The following NXPH1 variants were observed in gnomAD, a reference collection of about 807,000 sequenced individuals.
The protein encoded by NXPH1 is neurexophilin 1.
NXPH1 carries 5 observed loss-of-function variants against 23.7 expected under a neutral mutation model. The ratio of observed to expected loss-of-function variants is 0.21; its 90% CI spans 0.11 to 0.44. The LOEUF is 0.44. Ranked by LOEUF, NXPH1 falls within the 20% of genes least tolerant of loss-of-function variation. NXPH1 has a pLI of 0.99. For synonymous variants in NXPH1, 144 were observed against 122.2 expected (o/e 1.18, Z -1.18); for missense variants, 324 against 321.6 (o/e 1.01, Z -0.06).
intron 2 of NXPH1, among the ~76,000 whole-genome samples, chr7:8,530,322 A>C (rs1487225211): frequency 6.6e-6 from 1 of 152,216 alleles, no homozygotes; most frequent in Non-Finnish European, 1.5e-5. Context: ...TGAGACCTAA[A>C]AAGCAACGTG....
intron 2 of NXPH1, among the ~76,000 whole-genome samples, chr7:8,689,347 T>A (rs1821193646): frequency 6.6e-6 from 1 of 150,664 alleles, no homozygotes; most frequent in South Asian, 2.1e-4. Context: ...TTACTATCAG[T>A]CAGCTCGCTG....
chr7:8,435,811 C>T lies in NXPH1; in HGVS notation c.54+44C>T. The T allele has an allele frequency of 5.0e-6, 8 of 1,592,598 alleles. No individual in the cohort carries two copies. The highest frequency in any genetic ancestry group is 6.9e-6 in the Non-Finnish European group (8 of 1,160,758). On this transcript the variant is annotated intron_variant, in intron 2 of 2. Transcript: ENST00000405863. This position sits in a 1 kb window ranked among gnomAD's most constrained non-coding sequence, Gnocchi z 5.9. Reference sequence around the variant, plus strand: ...GGGGCTTTCGCATTTTTACCCCGGCCGGGAGGCAAGGAAACTGGGGACACG... The same window carrying T: ...GGGGCTTTCGCATTTTTACCCCGGCTGGGAGGCAAGGAAACTGGGGACACG...
At chr7:8,621,490 C>CTTTTTTTTTTTT (rs113473603) in intron 2 of NXPH1, among the ~76,000 whole-genome samples, 2 of 140,292 alleles carry the variant, frequency 1.4e-5, no homozygotes, top group African/African-American at 5.1e-5. Flanking sequence ...GCTAGCCACT[C>CTTTTTTTTTTTT]TTTTTTTTTT....
intron 2 of NXPH1, among the ~76,000 whole-genome samples, chr7:8,730,425 C>A (rs1464703432): frequency 3.3e-5 from 5 of 150,996 alleles, no homozygotes; most frequent in African/African-American, 7.3e-5. Context: ...GATGCAGTTT[C>A]TTCCTAGTCT....
At chr7:8,563,681 A>AAATT (rs1818489568) in intron 2 of NXPH1, among the ~76,000 whole-genome samples, 1 of 151,680 alleles carries the variant, frequency 6.6e-6, no homozygotes, top group Non-Finnish European at 1.5e-5. Flanking sequence ...GGAAAAGGTT[A>AAATT]CCCATTTGGA....
At chr7:8,460,285 C>A (rs2128606689) in intron 2 of NXPH1, among the ~76,000 whole-genome samples, 1 of 152,134 alleles carries the variant, frequency 6.6e-6, no homozygotes, top group East Asian at 1.9e-4. Flanking sequence ...CTTTTTTATT[C>A]ATTCTCCCTA....
chr7:8,744,615 C>T (rs1208084480), intron 2 of NXPH1, among the ~76,000 whole-genome samples: 1 of 152,190 alleles, frequency 6.6e-6, no homozygotes, highest in Non-Finnish European at 1.5e-5. Context: ...TGTCTCCAGA[C>T]CTTCAGATCC....
chr7:8,612,244 C>T (rs1819638279), intron 2 of NXPH1, among the ~76,000 whole-genome samples: 1 of 151,160 alleles, frequency 6.6e-6, no homozygotes, highest in Admixed American at 6.6e-5. Context: ...TTCTCCCCTT[C>T]CTTTCTTCCT....
intron 2 of NXPH1, among the ~76,000 whole-genome samples, chr7:8,641,492 C>T (rs1009597583): frequency 1.3e-5 from 2 of 152,006 alleles, no homozygotes. Context: ...ATTTATCAGC[C>T]TAACACTGCA....
intron 2 of NXPH1, among the ~76,000 whole-genome samples, chr7:8,544,610 G>A (rs1818172652): frequency 6.6e-6 from 1 of 151,552 alleles, no homozygotes; most frequent in Non-Finnish European, 1.5e-5. Flanking sequence ...CCGTACTGAG[G>A]CAGATGATGG....
At chr7:8,439,688 G>T (rs1472639522) in intron 2 of NXPH1, among the ~76,000 whole-genome samples, 1 of 152,218 alleles carries the variant, frequency 6.6e-6, no homozygotes, top group South Asian at 2.1e-4. Context: ...TCCTTAAAAT[G>T]TGAATTCTAC....
At chr7:8,750,070 C>T (rs1340495094) in intron 2 of NXPH1, among the ~76,000 whole-genome samples, 4 of 152,182 alleles carry the variant, frequency 2.6e-5, no homozygotes, top group Non-Finnish European at 5.9e-5. Context: ...GTTGGTTTCT[C>T]TAGAACTGAC....
At chr7:8,741,293 T>C (rs1010804113) in intron 2 of NXPH1, among the ~76,000 whole-genome samples, 1 of 152,176 alleles carries the variant, frequency 6.6e-6, no homozygotes, top group Non-Finnish European at 1.5e-5. Flanking sequence ...ATCTTCTTTT[T>C]CCATTCATCC....
At position 8,434,153 on chromosome 7, in the gene NXPH1, C is replaced by G. The variant is rs986410058; in HGVS notation, c.-713C>G. 6.5e-6 allele frequency: 1 copy of G among 152,700 alleles called. No individual in the cohort carries two copies. The highest frequency in any genetic ancestry group is 2.4e-5 in the African/African-American group (1 of 41,464). The allele number at this position is 152,700 out of a possible 1,614,324, so 9.5% of individuals were successfully genotyped here. A position where few individuals can be genotyped will look rare whatever the true frequency, so the allele number is the denominator to read the frequency against. ...GTCGCGGGTAGAGGTACAGCTGCTC[C>G]GTGTGCCGCAGGCTCCAGATTCTCG... On this transcript the variant is annotated 5_prime_UTR_variant, in exon 1 of 3. Transcript: ENST00000405863. The surrounding 1 kb of genome is among the most constrained non-coding windows in gnomAD (Gnocchi z 7.6).
At chr7:8,490,344 A>G (rs554705173) in intron 2 of NXPH1, among the ~76,000 whole-genome samples, 17 of 152,138 alleles carry the variant, frequency 1.1e-4, no homozygotes, top group East Asian at 3.9e-4. Flanking sequence ...ATGTATTCCA[A>G]TGTTACAGTA....
intron 2 of NXPH1, among the ~76,000 whole-genome samples, chr7:8,547,227 A>G (rs1818210268): frequency 6.6e-6 from 1 of 151,288 alleles, no homozygotes; most frequent in Non-Finnish European, 1.5e-5. Flanking sequence ...AGGGAGGGGG[A>G]AATTGGAGGA....
intron 2 of NXPH1, among the ~76,000 whole-genome samples, chr7:8,544,777 A>G (rs1280974273): frequency 6.6e-6 from 1 of 151,694 alleles, no homozygotes; most frequent in Non-Finnish European, 1.5e-5. Flanking sequence ...ACATATATCT[A>G]TTCTAGACAT....
At chr7:8,617,366 G>T (rs1336912140) in intron 2 of NXPH1, among the ~76,000 whole-genome samples, 1 of 152,074 alleles carries the variant, frequency 6.6e-6, no homozygotes, top group Non-Finnish European at 1.5e-5. Context: ...TATGTTTGTT[G>T]CATCACTGTT....
intron 2 of NXPH1, among the ~76,000 whole-genome samples, chr7:8,576,817 G>A (rs1172379773): frequency 6.6e-6 from 1 of 152,074 alleles, no homozygotes; most frequent in Non-Finnish European, 1.5e-5. Context: ...TTTCTCTTGA[G>A]TTCATTAGAT....
Sources: gnomAD v4.1 joint callset for allele counts (sites outside exome capture counted in the v4.1 genomes callset) on GRCh38, gnomAD v4.1.1 for gene constraint, Gnocchi (gnomAD v3.1) non-coding constraint, MANE v1.5 for transcripts, NCBI Gene and HGNC (gene_info 2026-07-23, HGNC 2026-07-21) for gene names.